ZFHX3: variants seen among roughly 807,000 people sequenced by gnomAD.
ZFHX3 encodes zinc finger homeobox protein 3.
In ZFHX3, 42 loss-of-function variants were observed where a neutral mutation model predicts 279.1. The ratio of observed to expected loss-of-function variants is 0.15; its 90% CI spans 0.12 to 0.19. The LOEUF (loss-of-function observed/expected upper bound fraction) is 0.19. Among genes scored for constraint, ZFHX3 ranks in the 10% least tolerant of loss-of-function variants. ZFHX3 has a pLI of 1.00. For synonymous variants in ZFHX3, 2,293 were observed against 1,957.8 expected (o/e 1.17, Z -4.52); for missense variants, 4,981 against 4,754.0 (o/e 1.05, Z -1.40).
intron 2 of ZFHX3, among the ~76,000 whole-genome samples, chr16:73,624,569 T>A (rs2052397793): frequency 6.6e-6 from 1 of 151,648 alleles, no homozygotes. Context: ...AATTATAGAA[T>A]GTCCATCATT....
intron 3 of ZFHX3, among the ~76,000 whole-genome samples, chr16:73,444,368 T>C (rs1322694368): frequency 6.6e-6 from 1 of 152,220 alleles, no homozygotes; most frequent in African/African-American, 2.4e-5. Flanking sequence ...CTGGCCTGTA[T>C]TGTATCTAAA....
At chr16:73,392,471 G>GCAT (rs2017038410) in intron 3 of ZFHX3, among the ~76,000 whole-genome samples, 1 of 112,676 alleles carries the variant, frequency 8.9e-6, no homozygotes, top group Non-Finnish European at 1.9e-5. Context: ...AGCAACAAAA[G>GCAT]CATTTTATTG....
intron 4 of ZFHX3, among the ~76,000 whole-genome samples, chr16:73,316,787 T>C (rs1318678652): frequency 6.6e-6 from 1 of 152,232 alleles, no homozygotes; most frequent in African/African-American, 2.4e-5. Context: ...GACCAGTGAA[T>C]GCAAACACAC....
chr16:73,218,404 C>T (rs112486920), intron 5 of ZFHX3, among the ~76,000 whole-genome samples: 36 of 152,312 alleles, frequency 2.4e-4, no homozygotes, highest in African/African-American at 7.2e-5. Context: ...GCTGCAGGGA[C>T]GACCCAATTA....
intron 2 of ZFHX3, among the ~76,000 whole-genome samples, chr16:73,476,059 ACTTT>A (rs1279002089): frequency 1.8e-4 from 27 of 152,274 alleles, no homozygotes; most frequent in Admixed American, 1.6e-3. Context: ...TGAACTCTCA[ACTTT>A]TAATTTGTTC....
At chr16:73,609,470 AAGG>A (rs1463570338) in intron 2 of ZFHX3, 2 of 152,246 alleles carry the variant, frequency 1.3e-5, no homozygotes, top group African/African-American at 4.8e-5. Context: ...CAACAATAGA[AAGG>A]AGTTTTCCTT....
chr16:73,519,138 C>T (rs1053794413), intron 2 of ZFHX3, among the ~76,000 whole-genome samples: 3 of 152,092 alleles, frequency 2.0e-5, no homozygotes. Flanking sequence ...ACCCATTCTT[C>T]TTGATCTGAA....
At chr16:72,941,577 T>A (rs1960411302) in intron 3 of ZFHX3, among the ~76,000 whole-genome samples, 1 of 152,194 alleles carries the variant, frequency 6.6e-6, no homozygotes. Context: ...AATTTACGTT[T>A]GGAGGCCAAG....
At chr16:73,870,247 C>T (rs927064411) in intron 1 of ZFHX3, among the ~76,000 whole-genome samples, 2 of 152,144 alleles carry the variant, frequency 1.3e-5, no homozygotes, top group African/African-American at 4.8e-5. Context: ...GAGAATCTCC[C>T]CCGTACCACT....
At chr16:73,625,696 G>A (rs1167175593) in intron 2 of ZFHX3, among the ~76,000 whole-genome samples, 3 of 152,204 alleles carry the variant, frequency 2.0e-5, no homozygotes, top group African/African-American at 2.4e-5. Context: ...TTGGGAGCTT[G>A]TTCAAATGCA....
intron 1 of ZFHX3, among the ~76,000 whole-genome samples, chr16:73,745,267 T>C (rs1003807902): frequency 8.5e-5 from 13 of 152,216 alleles, no homozygotes; most frequent in African/African-American, 3.1e-4. Context: ...AGTTGTTTCA[T>C]AATATGTTGA....
rs986521359 is a variant in ZFHX3 at position 72,793,134 on chromosome 16, G to C, written c.9427+121C>G. On this transcript the variant is annotated intron_variant, in intron 9 of 9. Coordinates refer to ENST00000268489, the MANE Select transcript of ZFHX3 (RefSeq NM_006885.4). This position sits in a 1 kb window ranked among gnomAD's most constrained non-coding sequence, Gnocchi z 4.3. ...GAACTGAAGTCTTGTTGCTTTTAAA[G>C]AACTAGAAAGGTAAGCTTCCCATCT... 6.7e-7 allele frequency: 1 copy of C among 1,482,866 alleles called. No individual in the cohort carries two copies. The highest frequency in any genetic ancestry group is 9.0e-7 in the Non-Finnish European group (1 of 1,112,486). 91.9% of individuals were successfully genotyped at this position (1,482,866 alleles called of 1,614,324 possible). A position where few individuals can be genotyped will look rare whatever the true frequency, so the allele number is the denominator to read the frequency against.
intron 5 of ZFHX3, among the ~76,000 whole-genome samples, chr16:73,220,778 T>TTGTG (rs1455902992): frequency 6.7e-6 from 1 of 148,442 alleles, no homozygotes; most frequent in Non-Finnish European, 1.5e-5. Context: ...GTGTGTGTGT[T>TTGTG]TGTGTGTGTG....
upstream of ZFHX3, chr16:73,048,135 C>A: frequency 6.5e-6 from 1 of 153,382 alleles, no homozygotes; most frequent in South Asian, 1.9e-4. Context: ...AAATGAAGCC[C>A]AACTCGCAGT....
chr16:73,362,349 G>A (rs34775757), intron 3 of ZFHX3, among the ~76,000 whole-genome samples: 71,427 of 152,106 alleles, frequency 0.47, 20,146 homozygotes, highest in Non-Finnish European at 0.63. Context: ...CAGGCTTGCT[G>A]CCTGGGGGCT....
At chr16:73,280,042 G>T (rs1026128465) in intron 4 of ZFHX3, among the ~76,000 whole-genome samples, 1 of 152,140 alleles carries the variant, frequency 6.6e-6, no homozygotes, top group Non-Finnish European at 1.5e-5. Flanking sequence ...TTCAATAAAT[G>T]ATGTTGGGGG....
At chr16:73,544,187 G>C (rs2020069286) in intron 2 of ZFHX3, among the ~76,000 whole-genome samples, 1 of 151,658 alleles carries the variant, frequency 6.6e-6, no homozygotes. Context: ...ACCTGGGTTA[G>C]GGAGAGGAAA....
At chr16:73,009,572 A>G (rs1375239925) in intron 1 of ZFHX3, among the ~76,000 whole-genome samples, 2 of 152,238 alleles carry the variant, frequency 1.3e-5, no homozygotes, top group Admixed American at 6.5e-5. Flanking sequence ...TAAAATCTAT[A>G]ACGTTTTATG....
At chr16:73,467,887 A>G (rs562554683) in intron 2 of ZFHX3, among the ~76,000 whole-genome samples, 1 of 152,274 alleles carries the variant, frequency 6.6e-6, no homozygotes, top group East Asian at 1.9e-4. Context: ...GGGCTGGGTA[A>G]CCTGCTAAGA....
Sources: gnomAD v4.1 joint callset for allele counts (sites outside exome capture counted in the v4.1 genomes callset) on GRCh38, gnomAD v4.1.1 for gene constraint, Gnocchi (gnomAD v3.1) non-coding constraint, MANE v1.5 for transcripts, NCBI Gene and HGNC (gene_info 2026-07-23, HGNC 2026-07-21) for gene names.